RAP1GAP2: variants seen among roughly 807,000 people sequenced by gnomAD.
RAP1GAP2 encodes rap1 GTPase-activating protein 2.
Under a neutral mutation model 95.0 loss-of-function variants are expected in RAP1GAP2, and 27 were observed. The ratio of observed to expected loss-of-function variants is 0.28; its 90% CI spans 0.21 to 0.39. The LOEUF is 0.39. Among genes scored for constraint, RAP1GAP2 ranks in the 10% least tolerant of loss-of-function variants. The probability of loss-of-function intolerance (pLI) is 1.00; values close to 1 mark genes in which losing one functional copy is unlikely to be tolerated. For synonymous variants in RAP1GAP2, 373 were observed against 380.9 expected, an observed-to-expected ratio of 0.98 and a Z score of 0.24; for missense variants, 771 against 970.0, an observed-to-expected ratio of 0.79 and a Z score of 2.72.
intron 1 of RAP1GAP2, among the ~76,000 whole-genome samples, chr17:2,799,140 C>T (rs891670903): frequency 5.3e-5 from 8 of 152,336 alleles, no homozygotes; most frequent in East Asian, 1.9e-4. Context: ...CTGGGTTGCA[C>T]GCGTTACAGC....
At position 3,026,363 on chromosome 17, in the gene RAP1GAP2, T is replaced by C. The variant is rs868420173; in HGVS notation, c.1879T>C (p.Leu627=). 4.5e-6 allele frequency: 7 copies of C among 1,551,216 alleles called. No homozygotes were observed. The highest frequency in any genetic ancestry group is 3.3e-4 in the Middle Eastern group (2 of 5,992). ...CPNKEKPFMK[L]KENGRAISRS... ...TATTCCCTGCAGGCCCTTCATGAAG[T>C]TGAAGGAAAACGGCCGTGCCATCTC... The change falls in exon 21 of 25, where the codon TTG becomes CTG. Residue 627 remains leucine, a synonymous_variant. Coordinates refer to ENST00000254695, the MANE Select transcript of RAP1GAP2 (RefSeq NM_015085.5).
chr17:2,996,986 G>T (rs533943310), intron 13 of RAP1GAP2, among the ~76,000 whole-genome samples: 3 of 152,182 alleles, frequency 2.0e-5, no homozygotes, highest in Non-Finnish European at 2.9e-5. Context: ...GGGTTTTTGT[G>T]TGTGTGTGAG....
chr17:2,907,871 A>G (rs1312841512), intron 3 of RAP1GAP2, among the ~76,000 whole-genome samples: 1 of 152,044 alleles, frequency 6.6e-6, no homozygotes, highest in Non-Finnish European at 1.5e-5. Context: ...CAGTGGCGCG[A>G]TCTTGGCTCA....
chr17:2,773,481 G>T (rs1358326227), upstream of RAP1GAP2, among the ~76,000 whole-genome samples: 2 of 152,164 alleles, frequency 1.3e-5, no homozygotes, highest in Non-Finnish European at 2.9e-5. Context: ...CAGCTAAGGA[G>T]GTTGGTGAGT....
intron 2 of RAP1GAP2, among the ~76,000 whole-genome samples, chr17:2,892,211 A>G (rs1239891415): frequency 6.6e-6 from 1 of 152,058 alleles, no homozygotes; most frequent in African/African-American, 2.4e-5. Flanking sequence ...GTGTTCTGAA[A>G]TTTCCTGACA....
intron 2 of RAP1GAP2, among the ~76,000 whole-genome samples, chr17:2,875,077 G>T (rs556665898): frequency 4.7e-4 from 72 of 152,246 alleles, no homozygotes; most frequent in African/African-American, 1.6e-3. Flanking sequence ...GTTTTGTTTT[G>T]TTTCTTGAGA....
Position 2,918,780 on chromosome 17 carries a change from G to A in RAP1GAP2, c.165+13412G>A, listed in dbSNP as rs749444918. Reference sequence around the variant, plus strand: ...CCAGCACTGAGGGTTACAGTCCCACGTGAGATTTGAGTGGGGACACAAATC... The same window carrying A: ...CCAGCACTGAGGGTTACAGTCCCACATGAGATTTGAGTGGGGACACAAATC... On this transcript the variant is annotated intron_variant, in intron 3 of 24. Coordinates refer to ENST00000254695, the MANE Select transcript of RAP1GAP2 (RefSeq NM_015085.5). Among the ~76,000 whole-genome samples, 97 of 152,150 alleles carry A rather than the reference G, an allele frequency of 6.4e-4. 2 individuals carry two copies. Among genetic ancestry groups the A allele is most frequent in the Non-Finnish European group, 3.2e-4 (22 of 68,026 alleles).
At chr17:2,983,743 CTTTTTA>C (rs1041577509) in intron 10 of RAP1GAP2, among the ~76,000 whole-genome samples, 45 of 152,118 alleles carry the variant, frequency 3.0e-4, no homozygotes, top group Non-Finnish European at 5.7e-4. Flanking sequence ...GTTTTCTTGT[CTTTTTA>C]TTTTTAATGT....
chr17:2,927,342 A>G (rs887949834), intron 3 of RAP1GAP2, among the ~76,000 whole-genome samples: 39 of 151,016 alleles, frequency 2.6e-4, no homozygotes, highest in East Asian at 1.6e-3. Flanking sequence ...TTTAGTAGAG[A>G]CGGGGTTTCA....
chr17:3,018,310 A>G (rs2046844948), intron 18 of RAP1GAP2, 112 bp downstream of exon 18: 9 of 1,366,440 alleles, frequency 6.6e-6, no homozygotes, highest in Non-Finnish European at 6.8e-6. Flanking sequence ...GATCAGGGCA[A>G]GCTGGATGAT....
At chr17:2,885,028 C>CTTTTTTTTTTTTTTTTT (rs891984333) in intron 2 of RAP1GAP2, among the ~76,000 whole-genome samples, 14 of 112,504 alleles carry the variant, frequency 1.2e-4, no homozygotes, top group East Asian at 2.5e-4. Flanking sequence ...TTATTTCTTT[C>CTTTTTTTTTTTTTTTTT]TTTTTTTTTT....
chr17:2,981,091 C>A, intron 9 of RAP1GAP2, 104 bp from the exon 10 acceptor site: 1 of 1,057,616 alleles, frequency 9.5e-7, no homozygotes, highest in Non-Finnish European at 1.4e-6. Context: ...GCCTCCTGAC[C>A]CATGTGCCTC....
intron 2 of RAP1GAP2, among the ~76,000 whole-genome samples, chr17:2,810,688 A>G (rs1165691458): frequency 6.6e-6 from 1 of 150,832 alleles, no homozygotes; most frequent in Non-Finnish European, 1.5e-5. Context: ...GCGCCACCAC[A>G]CCCGGCTAAT....
rs2072788785 is a variant in RAP1GAP2, at chr17:2,870,241, C to A, written c.81-35043C>A. On this transcript the variant is annotated intron_variant, in intron 2 of 24. Coordinates refer to ENST00000254695, the MANE Select transcript of RAP1GAP2 (RefSeq NM_015085.5). This position sits in a 1 kb window ranked among gnomAD's most constrained non-coding sequence, Gnocchi z 4.4. ...AGTGATTCTCCTTGCCTTAGCCTCCCGAGTAGCTGGGATTACAGGCGCCCA... is the reference window on the plus strand; with the variant it reads ...AGTGATTCTCCTTGCCTTAGCCTCCAGAGTAGCTGGGATTACAGGCGCCCA... 1.3e-5 allele frequency among the ~76,000 whole-genome samples: 2 copies of A among 151,810 alleles called. No individual in the cohort carries two copies. Among genetic ancestry groups the A allele is most frequent in the African/African-American group, 4.8e-5 (2 of 41,270 alleles).
At chr17:2,799,090 A>C (rs1352338866) in intron 1 of RAP1GAP2, among the ~76,000 whole-genome samples, 1 of 152,188 alleles carries the variant, frequency 6.6e-6, no homozygotes, top group Non-Finnish European at 1.5e-5. Context: ...GAAAATGTAA[A>C]ACCTAAGCGC....
Position 3,023,327 on chromosome 17 carries a change from G to T in RAP1GAP2, c.1752-2681G>T, listed in dbSNP as rs1407627966. ...AGCAGCCAGCATTTCTTGAGTGGCT[G>T]CCATGTGCTGGGCACAGTGCTGAAT... is the stretch of plus-strand genomic sequence containing the variant. On this transcript the variant is annotated intron_variant, in intron 19 of 24. Transcript: ENST00000254695. Among the ~76,000 whole-genome samples the T allele has an allele frequency of 2.0e-5, 3 of 152,354 alleles. No homozygotes were observed. In the East Asian group the frequency reaches 5.8e-4, roughly 29 times the overall value.
At chr17:2,786,335 AGGAGGAGG>A (rs948474867) in intron 1 of RAP1GAP2, among the ~76,000 whole-genome samples, 2 of 152,234 alleles carry the variant, frequency 1.3e-5, no homozygotes, top group Admixed American at 1.3e-4. Flanking sequence ...TATCTTTTGC[AGGAGGAGG>A]ATTTCCCCCT....
intron 1 of RAP1GAP2, among the ~76,000 whole-genome samples, chr17:2,762,440 G>A (rs2071273231): frequency 7.3e-6 from 1 of 136,440 alleles, no homozygotes; most frequent in South Asian, 2.3e-4. Context: ...CTCTGTCGCC[G>A]AGGCTGGAGT....
chr17:2,836,731 A>G (rs1476199332), intron 2 of RAP1GAP2, among the ~76,000 whole-genome samples: 1 of 152,124 alleles, frequency 6.6e-6, no homozygotes, highest in Non-Finnish European at 1.5e-5. Context: ...ATCTATTTGT[A>G]CCTATCTCTT....
Sources: allele counts gnomAD v4.1 joint callset (sites outside exome capture counted in the v4.1 genomes callset), GRCh38; gene constraint gnomAD v4.1.1; non-coding constraint Gnocchi (gnomAD v3.1); transcripts MANE v1.5; gene names NCBI Gene and HGNC (gene_info 2026-07-23, HGNC 2026-07-21).